CDK19: variants seen among roughly 807,000 people sequenced by gnomAD.
The protein encoded by CDK19 is cyclin dependent kinase 19.
In CDK19, 20 loss-of-function variants were observed where a neutral mutation model predicts 68.3. The observed-to-expected ratio is 0.29, with a 90% confidence interval of 0.21 to 0.43. CDK19 has a LOEUF of 0.43. Among genes scored for constraint, CDK19 ranks in the 20% least tolerant of loss-of-function variants. The pLI is 1.00. For missense variants in CDK19, 339 were observed against 623.5 expected (o/e 0.54, Z 4.86); for synonymous variants, 221 against 222.8 (o/e 0.99, Z 0.07).
At chr6:110,643,184 CACTT>C in intron 4 of CDK19, 1 of 1,287,518 alleles carries the variant, frequency 7.8e-7, no homozygotes, top group Non-Finnish European at 1.0e-6. Context: ...CTGGAGGAAA[CACTT>C]ACCAACTTAG....
intron 4 of CDK19, among the ~76,000 whole-genome samples, chr6:110,639,490 A>G (rs997445136): frequency 5.3e-5 from 8 of 152,222 alleles, no homozygotes; most frequent in Non-Finnish European, 7.3e-5. Flanking sequence ...AACCATGCCA[A>G]TCTTTAAGAG....
intron 1 of CDK19, chr6:110,814,578 C>A (rs1404502934): frequency 2.2e-6 from 1 of 457,882 alleles, no homozygotes; most frequent in Admixed American, 2.3e-5. Flanking sequence ...ACCGCCGCCC[C>A]CGCGAGGCGC....
At chr6:110,614,693 AT>A (rs1204902237) in intron 12 of CDK19, 27 bp from the exon 13 acceptor site, 2 of 1,612,582 alleles carry the variant, frequency 1.2e-6, no homozygotes, top group Non-Finnish European at 1.7e-6. Flanking sequence ...GGAAAAGGGA[AT>A]TACTGATGGA....
chr6:110,804,427 C>G (rs1173609338), intron 1 of CDK19, among the ~76,000 whole-genome samples: 1 of 151,790 alleles, frequency 6.6e-6, no homozygotes, highest in African/African-American at 2.4e-5. Context: ...ACTGAAACCT[C>G]TGCCTCCCGG....
chr6:110,814,156 T>C (rs1469807057), intron 1 of CDK19: 3 of 182,232 alleles, frequency 1.6e-5, no homozygotes, highest in Non-Finnish European at 3.5e-5. Context: ...CCCAGCTCTG[T>C]CACTTCGTAT....
rs185026387 is a variant in CDK19 at position 110,792,498 on chromosome 6, C to T, written c.128+22511G>A. On this transcript the variant is annotated intron_variant, in intron 1 of 12. Coordinates refer to ENST00000368911, the MANE Select transcript of CDK19 (RefSeq NM_015076.5). ...TCTCAGCTCACTGCAACCTCCGCCT[C>T]TCAGGTTCAAGTGATTCTCTTGCCT... Among the ~76,000 whole-genome samples, 133 of 152,236 alleles carry T rather than the reference C, an allele frequency of 8.7e-4. 2 individuals are homozygous for T. Among genetic ancestry groups the T allele is most frequent in the African/African-American group, 9.9e-4 (41 of 41,554 alleles).
intron 1 of CDK19, among the ~76,000 whole-genome samples, chr6:110,791,793 G>C (rs554814373): frequency 6.6e-6 from 1 of 151,548 alleles, no homozygotes. Flanking sequence ...GCCCAGCTTG[G>C]TTTTTTAAAT....
At chr6:110,788,207 C>T (rs954005721) in intron 1 of CDK19, among the ~76,000 whole-genome samples, 2 of 151,976 alleles carry the variant, frequency 1.3e-5, no homozygotes, top group Non-Finnish European at 2.9e-5. Context: ...GATGCCCAGG[C>T]TGGAGTGAAG....
chr6:110,626,801 G>A lies in CDK19; in HGVS notation c.835C>T (p.Leu279Phe). ...GTTGTTCTTCTAAAGTCTTTTTGAA[G>A]TGTGGGATATTCTGGCATCTTTCTA... ...DIRKMPEYPT[L>F]QKDFRRTTYA... The change falls in exon 8 of 13, where the codon CTT becomes TTT. Residue 279 changes from leucine to phenylalanine, a missense_variant. Coordinates refer to ENST00000368911, the MANE Select transcript of CDK19 (RefSeq NM_015076.5). 1 of 1,582,170 alleles carries A rather than the reference G, an allele frequency of 6.3e-7. No individual in the cohort carries two copies. The highest frequency in any genetic ancestry group is 8.6e-7 in the Non-Finnish European group (1 of 1,159,258).
chr6:110,711,006 T>C (rs1774900371), intron 2 of CDK19, among the ~76,000 whole-genome samples: 1 of 152,224 alleles, frequency 6.6e-6, no homozygotes, highest in Non-Finnish European at 1.5e-5. Flanking sequence ...CAATCAGTTA[T>C]GAATATTAGA....
At chr6:110,752,375 G>A (rs977647613) in intron 1 of CDK19, among the ~76,000 whole-genome samples, 4 of 151,944 alleles carry the variant, frequency 2.6e-5, no homozygotes, top group Admixed American at 6.6e-5. Flanking sequence ...GTTCAATGTC[G>A]TAACACTTTA....
At chr6:110,809,713 TCTG>T (rs1293999801) in intron 1 of CDK19, among the ~76,000 whole-genome samples, 1 of 152,236 alleles carries the variant, frequency 6.6e-6, no homozygotes, top group African/African-American at 2.4e-5. Context: ...AGGAATTTGG[TCTG>T]CTTTTAAAAT....
intron 1 of CDK19, among the ~76,000 whole-genome samples, chr6:110,807,148 A>G (rs1256147523): frequency 6.6e-6 from 1 of 151,110 alleles, no homozygotes; most frequent in Non-Finnish European, 1.5e-5. Flanking sequence ...AATAATTTAA[A>G]AAAAAAAAAA....
intron 5 of CDK19, among the ~76,000 whole-genome samples, chr6:110,636,005 T>C (rs1186011163): frequency 6.6e-6 from 1 of 152,262 alleles, no homozygotes; most frequent in Non-Finnish European, 1.5e-5. Flanking sequence ...AATTATTACT[T>C]ACTTTTAACC....
At chr6:110,701,596 G>A (rs954640807) in intron 2 of CDK19, among the ~76,000 whole-genome samples, 6 of 151,422 alleles carry the variant, frequency 4.0e-5, no homozygotes, top group Admixed American at 3.3e-4. Context: ...AGTCCAATGC[G>A]CAGAGAATAC....
intron 2 of CDK19, among the ~76,000 whole-genome samples, chr6:110,711,337 AAAG>A (rs1480330161): frequency 6.6e-6 from 1 of 152,228 alleles, no homozygotes; most frequent in African/African-American, 2.4e-5. Context: ...TTACTTTCTT[AAAG>A]AAGAGCTTGG....
intron 2 of CDK19, among the ~76,000 whole-genome samples, chr6:110,697,791 AGCATGGTACTG>A (rs1773611157): frequency 6.6e-6 from 1 of 152,252 alleles, no homozygotes; most frequent in Admixed American, 6.5e-5. Context: ...TTACCAGAAC[AGCATGGTACTG>A]GCATAAAAAT....
At chr6:110,756,639 A>G (rs1303731527) in intron 1 of CDK19, among the ~76,000 whole-genome samples, 1 of 151,734 alleles carries the variant, frequency 6.6e-6, no homozygotes, top group African/African-American at 2.4e-5. Context: ...ATATGTATGC[A>G]TATGTGTGCA....
At chr6:110,625,671 T>C (rs1049519766) in intron 8 of CDK19, among the ~76,000 whole-genome samples, 2 of 152,034 alleles carry the variant, frequency 1.3e-5, no homozygotes, top group African/African-American at 2.4e-5. Flanking sequence ...GATGGTAAAT[T>C]GTGGCCATCA....
Sources: gnomAD v4.1 joint callset for allele counts (sites outside exome capture counted in the v4.1 genomes callset) on GRCh38, gnomAD v4.1.1 for gene constraint, MANE v1.5 for transcripts, NCBI Gene and HGNC (gene_info 2026-07-23, HGNC 2026-07-21) for gene names.